Variants in SPAG16 observed in about 807,000 individuals in gnomAD.
The protein encoded by SPAG16 is sperm associated antigen 16.
A neutral mutation model predicts 80.4 loss-of-function variants in SPAG16; 86 were observed. The ratio of observed to expected loss-of-function variants is 1.07; its 90% CI spans 0.90 to 1.28. The LOEUF is 1.28. SPAG16 is among the 50% of genes most tolerant of loss of function. The pLI, the probability that SPAG16 is intolerant of heterozygous loss-of-function variation, is 0.00. For missense variants in SPAG16, 870 were observed against 765.3 expected, an observed-to-expected ratio of 1.14 and a Z score of -1.61; for synonymous variants, 294 against 265.9, an observed-to-expected ratio of 1.11 and a Z score of -1.03.
At chr2:214,013,769 A>T (rs2047439153) in intron 12 of SPAG16, among the ~76,000 whole-genome samples, 182 bp from the exon 13 acceptor site, 1 of 152,196 alleles carries the variant, frequency 6.6e-6, no homozygotes, top group African/African-American at 2.4e-5. Context: ...TTATGCTACT[A>T]ATCGTATAAA....
intron 9 of SPAG16, among the ~76,000 whole-genome samples, chr2:213,469,578 T>G (rs2072952798): frequency 1.4e-5 from 2 of 146,122 alleles, no homozygotes; most frequent in African/African-American, 5.1e-5. Context: ...AGGTTTTTTT[T>G]TTTTTTTTTT....
chr2:213,731,729 G>T (rs2125425537), intron 10 of SPAG16, among the ~76,000 whole-genome samples: 1 of 152,190 alleles, frequency 6.6e-6, no homozygotes, highest in South Asian at 2.1e-4. Flanking sequence ...TTCTGTTCCT[G>T]TGTTAGTTTG....
intron 15 of SPAG16, among the ~76,000 whole-genome samples, chr2:214,326,882 T>G (rs1451086801): frequency 6.9e-6 from 1 of 143,894 alleles, no homozygotes; most frequent in East Asian, 2.1e-4. Flanking sequence ...GAGGCAGAGC[T>G]TGCAGTGAGC....
intron 12 of SPAG16, among the ~76,000 whole-genome samples, chr2:213,994,468 T>A (rs929239123): frequency 1.3e-5 from 2 of 152,210 alleles, no homozygotes; most frequent in African/African-American, 2.4e-5. Flanking sequence ...TGATTCATAT[T>A]TCATTAACTG....
intron 15 of SPAG16, among the ~76,000 whole-genome samples, chr2:214,300,758 C>G (rs554383008): frequency 2.0e-5 from 3 of 151,908 alleles, no homozygotes; most frequent in South Asian, 4.1e-4. Context: ...TGCAATTAAA[C>G]CATTAATTCA....
At chr2:214,265,240 G>T (rs1037938432) in intron 15 of SPAG16, among the ~76,000 whole-genome samples, 3 of 152,066 alleles carry the variant, frequency 2.0e-5, no homozygotes, top group South Asian at 2.1e-4. Flanking sequence ...TTGAGTTCCT[G>T]TTGGCTCCAC....
chr2:213,366,110 C>A lies in SPAG16; in HGVS notation c.832+1965C>A, dbSNP rs2066269065. ...TGAGCCGAGATCCCGCCACTGCACT[C>A]CAGCCTGGGCGACAGAGCGAGACTC... On this transcript the variant is annotated intron_variant, in intron 8 of 15. Coordinates refer to ENST00000331683, the MANE Select transcript of SPAG16 (RefSeq NM_024532.5). Among the ~76,000 whole-genome samples, 3 of 144,638 alleles carry A rather than the reference C, an allele frequency of 2.1e-5. No homozygotes were observed. In the South Asian group the frequency reaches 6.5e-4, roughly 32 times the overall value. 94.9% of individuals were successfully genotyped at this position (144,638 alleles called of 152,430 possible). A position where few individuals can be genotyped will look rare whatever the true frequency, so the allele number is the denominator to read the frequency against.
chr2:214,321,690 C>T (rs141952934), intron 15 of SPAG16, among the ~76,000 whole-genome samples: 18 of 152,266 alleles, frequency 1.2e-4, no homozygotes, highest in African/African-American at 4.1e-4. Context: ...AAGTCTGGGA[C>T]ATAATTTCCT....
intron 11 of SPAG16, among the ~76,000 whole-genome samples, chr2:213,869,267 ATATATATATATATG>A (rs1224378711): frequency 1.6e-5 from 1 of 63,634 alleles, no homozygotes; most frequent in African/African-American, 6.9e-5. Flanking sequence ...AAAAAAAAAT[ATATATATATATATG>A]TATATATATA....
intron 10 of SPAG16, among the ~76,000 whole-genome samples, chr2:213,557,056 T>G (rs746191996): frequency 1.8e-4 from 27 of 152,124 alleles, no homozygotes; most frequent in Non-Finnish European, 3.8e-4. Context: ...CTCAAATTAG[T>G]ATAGCATAAT....
chr2:213,954,736 T>G (rs2044031142), intron 12 of SPAG16, among the ~76,000 whole-genome samples: 1 of 152,186 alleles, frequency 6.6e-6, no homozygotes, highest in Non-Finnish European at 1.5e-5. Context: ...GCTACCAAAC[T>G]GTTTTCCATA....
At chr2:213,874,730 A>G (rs930979489) in intron 11 of SPAG16, among the ~76,000 whole-genome samples, 5 of 152,102 alleles carry the variant, frequency 3.3e-5, no homozygotes, top group Admixed American at 3.3e-4. Context: ...ACTGACTGCA[A>G]TGACTTTATA....
At chr2:213,715,926 T>A (rs374618627) in intron 10 of SPAG16, among the ~76,000 whole-genome samples, 1 of 151,564 alleles carries the variant, frequency 6.6e-6, no homozygotes, top group African/African-American at 2.4e-5. Flanking sequence ...ATTAGTTAAG[T>A]GGGAAAAAGT....
At chr2:213,612,798 C>G (rs945645930) in intron 10 of SPAG16, among the ~76,000 whole-genome samples, 1 of 152,070 alleles carries the variant, frequency 6.6e-6, no homozygotes, top group Non-Finnish European at 1.5e-5. Context: ...ATTCTCCTGC[C>G]TTAGCCTCCC....
chr2:213,956,978 C>T (rs1308950643), intron 12 of SPAG16, among the ~76,000 whole-genome samples: 1 of 152,126 alleles, frequency 6.6e-6, no homozygotes, highest in African/African-American at 2.4e-5. Flanking sequence ...CTAACTTCAT[C>T]TCGTTGTACT....
Position 213,686,319 on chromosome 2 carries a change from A to C in SPAG16, c.1071-176166A>C, listed in dbSNP as rs149226116. Among the ~76,000 whole-genome samples the C allele has an allele frequency of 4.5e-3, 683 of 152,238 alleles. 5 individuals are homozygous for C. The highest frequency in any genetic ancestry group is 7.0e-3 in the Non-Finnish European group (478 of 68,012). ...TTTTTAGTAGAGACGGGGTTTCACT[A>C]TATTGGCCAAGCTGATCCAATCTCC... On this transcript the variant is annotated intron_variant, in intron 10 of 15. Transcript: ENST00000331683.
chr2:213,452,704 A>G (rs1292408303), intron 9 of SPAG16, among the ~76,000 whole-genome samples: 3 of 152,350 alleles, frequency 2.0e-5, no homozygotes, highest in African/African-American at 4.8e-5. Context: ...GGCCCCTGCC[A>G]TTGCTTACTG....
At position 214,198,270 on chromosome 2, in the gene SPAG16, T is replaced by C. The variant is rs535892084; in HGVS notation, c.1720+49004T>C. The stretch of plus-strand genomic sequence containing the variant: ...TCCTACCCTTCCCCCACCCACTGAG[T>C]CCTCAAAGTACATTATATCATTCTT... On this transcript the variant is annotated intron_variant, in intron 15 of 15. Transcript: ENST00000331683. 6.8e-4 allele frequency among the ~76,000 whole-genome samples: 104 copies of C among 152,088 alleles called. 1 individual carries two copies. In the South Asian group the frequency reaches 6.8e-3, roughly 10 times the overall value.
intron 10 of SPAG16, among the ~76,000 whole-genome samples, chr2:213,640,927 G>T (rs1294957878): frequency 1.2e-3 from 178 of 152,234 alleles, no homozygotes; most frequent in African/African-American, 3.9e-3. Context: ...AGTATAGAGG[G>T]GATACACCTT....
Sources: gnomAD v4.1 joint callset for allele counts (sites outside exome capture counted in the v4.1 genomes callset) on GRCh38, gnomAD v4.1.1 for gene constraint, MANE v1.5 for transcripts, NCBI Gene and HGNC (gene_info 2026-07-23, HGNC 2026-07-21) for gene names.